Variants in ANKS1B observed in about 807,000 individuals in gnomAD.
ANKS1B encodes ankyrin repeat and sterile alpha motif domain containing 1B, also known as ankyrin repeat and sterile alpha motif domain-containing protein 1B.
Under a neutral mutation model 148.3 loss-of-function variants are expected in ANKS1B, and 36 were observed. The ratio of observed to expected loss-of-function variants is 0.24; its 90% CI spans 0.19 to 0.32. ANKS1B has a LOEUF of 0.32. Among genes scored for constraint, ANKS1B ranks in the 10% least tolerant of loss-of-function variants. ANKS1B has a pLI of 1.00. For synonymous variants in ANKS1B, 542 were observed against 560.8 expected, an observed-to-expected ratio of 0.97 and a Z score of 0.47; for missense variants, 1,157 against 1,542.6, an observed-to-expected ratio of 0.75 and a Z score of 4.19.
chr12:98,942,316 G>T (rs2099838227), intron 17 of ANKS1B, among the ~76,000 whole-genome samples: 1 of 152,152 alleles, frequency 6.6e-6, no homozygotes, highest in Non-Finnish European at 1.5e-5. Context: ...TATGACTTTT[G>T]TGAATGGCCA....
chr12:99,000,245 C>T (rs990955250), intron 17 of ANKS1B, among the ~76,000 whole-genome samples: 41 of 142,302 alleles, frequency 2.9e-4, no homozygotes, highest in African/African-American at 9.8e-4. Flanking sequence ...GAAGGGCCTT[C>T]TTTTCTTTTC....
intron 9 of ANKS1B, among the ~76,000 whole-genome samples, chr12:99,616,815 T>A (rs1215562910): frequency 6.6e-6 from 1 of 152,044 alleles, no homozygotes; most frequent in Non-Finnish European, 1.5e-5. Context: ...CTAAAGAGCT[T>A]CTGCACAGCA....
At chr12:99,472,812 A>G (rs1254178105) in intron 10 of ANKS1B, among the ~76,000 whole-genome samples, 3 of 152,084 alleles carry the variant, frequency 2.0e-5, no homozygotes, top group Non-Finnish European at 4.4e-5. Context: ...TTAAAATAAG[A>G]TATATATTTG....
At chr12:99,624,570 T>C (rs563394191) in intron 9 of ANKS1B, among the ~76,000 whole-genome samples, 5 of 151,972 alleles carry the variant, frequency 3.3e-5, no homozygotes, top group African/African-American at 9.7e-5. Context: ...AATAACCCCA[T>C]TAAAAAGTGG....
At chr12:99,316,338 T>A (rs926588776) in intron 12 of ANKS1B, among the ~76,000 whole-genome samples, 9 of 151,842 alleles carry the variant, frequency 5.9e-5, no homozygotes, top group African/African-American at 2.2e-4. Context: ...ACCTGTTGTT[T>A]CCTGACTTTT....
chr12:98,886,845 T>C (rs777931482), intron 17 of ANKS1B, among the ~76,000 whole-genome samples: 2 of 152,174 alleles, frequency 1.3e-5, no homozygotes, highest in Non-Finnish European at 2.9e-5. Flanking sequence ...GGCCATGATA[T>C]ATTGTTCGAC....
chr12:99,148,481 C>T (rs1193710952), intron 15 of ANKS1B, among the ~76,000 whole-genome samples: 4 of 151,826 alleles, frequency 2.6e-5, no homozygotes, highest in African/African-American at 9.7e-5. Flanking sequence ...TCATTTCTGA[C>T]TTTCTGCTGC....
intron 4 of ANKS1B, among the ~76,000 whole-genome samples, chr12:99,799,234 C>A (rs1425794267): frequency 6.6e-6 from 1 of 152,026 alleles, no homozygotes; most frequent in Non-Finnish European, 1.5e-5. Flanking sequence ...TCTTTACAGA[C>A]CTTTTTCCAG....
chr12:99,752,591 A>G (rs1046139428), intron 8 of ANKS1B, among the ~76,000 whole-genome samples: 3 of 152,036 alleles, frequency 2.0e-5, no homozygotes, highest in Admixed American at 6.6e-5. Context: ...TAAATATACA[A>G]AATATCATAA....
chr12:99,156,649 C>T (rs1359403570), intron 14 of ANKS1B, among the ~76,000 whole-genome samples: 1 of 152,160 alleles, frequency 6.6e-6, no homozygotes, highest in Non-Finnish European at 1.5e-5. Flanking sequence ...CATTTGTTGG[C>T]TTTGAATCAG....
At chr12:99,103,502 G>T (rs551784560) in intron 15 of ANKS1B, among the ~76,000 whole-genome samples, 37 of 152,174 alleles carry the variant, frequency 2.4e-4, no homozygotes, top group South Asian at 6.2e-4. Flanking sequence ...CCTTATCTAT[G>T]TCTCACTTTC....
intron 11 of ANKS1B, among the ~76,000 whole-genome samples, chr12:99,406,856 A>G (rs937909180): frequency 6.8e-6 from 1 of 146,118 alleles, no homozygotes; most frequent in Non-Finnish European, 1.5e-5. Flanking sequence ...AGAAATTCAA[A>G]GGATCATTAG....
chr12:99,074,274 A>C (rs541226677), intron 16 of ANKS1B, among the ~76,000 whole-genome samples: 8 of 152,056 alleles, frequency 5.3e-5, no homozygotes, highest in Non-Finnish European at 8.8e-5. Flanking sequence ...ATTAGGAGTA[A>C]AAGTGATATT....
chr12:99,064,299 G>T (rs946075916), intron 16 of ANKS1B, among the ~76,000 whole-genome samples: 2 of 152,192 alleles, frequency 1.3e-5, no homozygotes, highest in African/African-American at 2.4e-5. Context: ...AGGGCCTGAG[G>T]TATCCCTAAT....
At position 99,904,048 on chromosome 12, in the gene ANKS1B, C is replaced by A. The variant is rs898223709; in HGVS notation, c.135-78659G>T. 8.5e-5 allele frequency among the ~76,000 whole-genome samples: 13 copies of A among 152,306 alleles called. No homozygotes were observed. In the South Asian group the frequency reaches 2.5e-3, roughly 29 times the overall value. On this transcript the variant is annotated intron_variant, in intron 1 of 26. Transcript: ENST00000683438. ...CTACCAACACTACCTGGGCTCTACC[C>A]AGGCCCTTTGCAGGCCATAAGCCAA...
rs79212497 is a variant in ANKS1B at position 99,125,320 on chromosome 12, A to G, written c.2526+28969T>C. Among the ~76,000 whole-genome samples, 45 of 152,336 alleles carry G rather than the reference A, an allele frequency of 3.0e-4. No homozygotes were observed. The East Asian group carries it at 6.7e-3, about 23-fold the overall frequency. ...CTAGGAACACAGAAATGAATAAAAC[A>G]TGGTTCCCATTATCAAAGAAGTCAT... On this transcript the variant is annotated intron_variant, in intron 15 of 26. Coordinates refer to ENST00000683438, the MANE Select transcript of ANKS1B (RefSeq NM_001352186.2).
At chr12:99,186,370 C>A (rs1410441925) in intron 14 of ANKS1B, among the ~76,000 whole-genome samples, 2 of 152,182 alleles carry the variant, frequency 1.3e-5, no homozygotes, top group Non-Finnish European at 1.5e-5. Flanking sequence ...GATCTCCCGG[C>A]ACATTGATTG....
At chr12:99,755,693 G>C (rs1461974193) in intron 8 of ANKS1B, among the ~76,000 whole-genome samples, 1 of 150,650 alleles carries the variant, frequency 6.6e-6, no homozygotes, top group Non-Finnish European at 1.5e-5. Context: ...ATCCAAGGCT[G>C]GTTCAACATA....
At chr12:99,676,947 G>A (rs2098577560) in intron 8 of ANKS1B, among the ~76,000 whole-genome samples, 2 of 152,174 alleles carry the variant, frequency 1.3e-5, no homozygotes, top group African/African-American at 2.4e-5. Context: ...AGAATGTGTT[G>A]TGAGACACAG....
Sources: gnomAD v4.1 joint callset for allele counts (sites outside exome capture counted in the v4.1 genomes callset) on GRCh38, gnomAD v4.1.1 for gene constraint, MANE v1.5 for transcripts, NCBI Gene and HGNC (gene_info 2026-07-23, HGNC 2026-07-21) for gene names.